Variants in CERS4 observed in about 807,000 individuals in gnomAD.
CERS4 encodes the protein ceramide synthase 4.
In CERS4, 65 loss-of-function variants were observed where a neutral mutation model predicts 51.8. The observed-to-expected ratio is 1.26, with a 90% CI of 1.03 to 1.54. The LOEUF (loss-of-function observed/expected upper bound fraction) is 1.54, where lower values mean the gene tolerates loss of function less well. Among genes scored for constraint, CERS4 ranks in the 40% most tolerant of loss-of-function variants. The probability of loss-of-function intolerance (pLI) is 0.00; values close to 1 mark genes in which losing one functional copy is unlikely to be tolerated. For synonymous variants in CERS4, 228 were observed against 208.4 expected (o/e 1.09, Z -0.81); for missense variants, 563 against 500.4 (o/e 1.13, Z -1.19).
intron 2 of CERS4, among the ~76,000 whole-genome samples, chr19:8,238,246 C>A (rs969565807): frequency 9.9e-5 from 15 of 152,110 alleles, no homozygotes; most frequent in African/African-American, 3.6e-4. Flanking sequence ...AATACTCCAA[C>A]CTCCAGGGAG....
In CERS4 at chr19:8,255,885, T is replaced by C. The variant is rs1969353028; in HGVS notation, c.468+6T>C. ...GCCTCTCGGTCCTGTACCACGTGAG[T>C]ATACCAGAGTATAGCTGACTGCTCA... On this transcript the variant is annotated splice_donor_region_variant and intron_variant, in intron 6 of 11. Coordinates refer to ENST00000251363, the MANE Select transcript of CERS4 (RefSeq NM_024552.3). 1 of 1,613,588 alleles carries C rather than the reference T, an allele frequency of 6.2e-7. No individual in the cohort carries two copies. The highest frequency in any genetic ancestry group is 8.5e-7 in the Non-Finnish European group (1 of 1,179,880).
In CERS4 at chr19:8,209,462, G is replaced by A. The variant is rs895140445; in HGVS notation, c.-191G>A. On this transcript the variant is annotated 5_prime_UTR_variant, in exon 1 of 12. Coordinates refer to ENST00000251363, the MANE Select transcript of CERS4 (RefSeq NM_024552.3). ...CGCGCCGTCCCCAGCCCCGCCGCCG[G>A]CCCTCGGTGCGCCCGGCCGCCTGCA... 2 of 151,426 alleles carry A rather than the reference G, an allele frequency of 1.3e-5. No homozygotes were observed. Among genetic ancestry groups the A allele is most frequent in the African/African-American group, 2.4e-5 (1 of 41,314 alleles). 9.4% of individuals were successfully genotyped at this position (151,426 alleles called of 1,614,324 possible).
chr19:8,244,122 A>G (rs1159596707), intron 2 of CERS4, among the ~76,000 whole-genome samples: 6 of 152,230 alleles, frequency 3.9e-5, no homozygotes, highest in Admixed American at 3.9e-4. Context: ...GAAAGACCCA[A>G]CTAGCCACTG....
chr19:8,237,845 C>T (rs951587828), intron 2 of CERS4, among the ~76,000 whole-genome samples: 5 of 152,026 alleles, frequency 3.3e-5, no homozygotes, highest in Non-Finnish European at 5.9e-5. Flanking sequence ...AGCGAGACTC[C>T]GTGTCAAAAC....
chr19:8,224,813 C>T (rs1035945016), intron 2 of CERS4, among the ~76,000 whole-genome samples: 7 of 152,052 alleles, frequency 4.6e-5, no homozygotes, highest in Admixed American at 3.9e-4. Flanking sequence ...AATCGTAGGG[C>T]TTAATGAGGA....
chr19:8,252,380 A>AT (rs397824156), intron 3 of CERS4, among the ~76,000 whole-genome samples: 2 of 149,798 alleles, frequency 1.3e-5, no homozygotes, highest in South Asian at 2.1e-4. Flanking sequence ...AAAAAAAAAA[A>AT]GAACAAAAGC....
intron 10 of CERS4, among the ~76,000 whole-genome samples, chr19:8,260,158 C>G (rs1969604188): frequency 6.6e-6 from 1 of 152,118 alleles, no homozygotes; most frequent in Non-Finnish European, 1.5e-5. Context: ...TCGCTGGTCA[C>G]CCTACAGCTG....
At chr19:8,256,577 C>A (rs956349556) in intron 7 of CERS4, 41 bp from the exon 8 acceptor site, 3 of 1,570,948 alleles carry the variant, frequency 1.9e-6, no homozygotes, top group Admixed American at 1.9e-5. Context: ...CCGATTGGAG[C>A]CTTCGCTCCC....
intron 2 of CERS4, among the ~76,000 whole-genome samples, chr19:8,221,870 ATGT>A (rs1284870625): frequency 0.019 from 615 of 31,770 alleles, 11 homozygotes; most frequent in African/African-American, 0.048. Flanking sequence ...TTATTTTTTT[ATGT>A]TTTTTTTTTT....
intron 2 of CERS4, among the ~76,000 whole-genome samples, chr19:8,224,394 G>T (rs1599524740): frequency 6.9e-6 from 1 of 145,000 alleles, no homozygotes; most frequent in Non-Finnish European, 1.5e-5. Context: ...GTGACAGAGC[G>T]AGACTCCATC....
chr19:8,254,476 G>C, intron 3 of CERS4, 23 bp from the exon 4 acceptor site: 1 of 1,610,104 alleles, frequency 6.2e-7, no homozygotes, highest in Non-Finnish European at 8.5e-7. Context: ...TGGGCTGATA[G>C]GCTCTGTCTC....
At position 8,210,435 on chromosome 19, in the gene CERS4, G is replaced by A. The variant is rs1967038252; in HGVS notation, c.-158-271G>A. Among the ~76,000 whole-genome samples the A allele has an allele frequency of 6.6e-6, 1 of 152,106 alleles. No individual in the cohort carries two copies. The highest frequency in any genetic ancestry group is 2.4e-5 in the African/African-American group (1 of 41,386). On this transcript the variant is annotated intron_variant, in intron 1 of 11. Transcript: ENST00000251363. This position sits in a 1 kb window ranked among gnomAD's most constrained non-coding sequence, Gnocchi z 4.2. ...TATATAGAAGAGGCTTTCATTGCTG[G>A]GTTGGGAGACTTGAGGAGAAGCTGC...
chr19:8,233,143 T>C lies in CERS4; in HGVS notation c.-1-17933T>C, dbSNP rs547802949. ...GCAATCCTCCAACTTCAGCCTGGGA[T>C]TACAGGCAAAAGCCACCACACTCGG... is the stretch of plus-strand genomic sequence containing the variant. On this transcript the variant is annotated intron_variant, in intron 2 of 11. Coordinates refer to ENST00000251363, the MANE Select transcript of CERS4 (RefSeq NM_024552.3). Among the ~76,000 whole-genome samples the C allele has an allele frequency of 2.6e-5, 4 of 151,854 alleles. No homozygotes were observed. The South Asian group carries it at 8.3e-4, about 32-fold the overall frequency.
At chr19:8,245,122 A>AAAAACAAAAAAAAAAAAAAAAAAAC (rs1555777239) in intron 2 of CERS4, among the ~76,000 whole-genome samples, 12 of 129,240 alleles carry the variant, frequency 9.3e-5, no homozygotes, top group Admixed American at 1.6e-4. Flanking sequence ...AAAAAAAAAA[A>AAAAACAAAAAAAAAAAAAAAAAAAC]AAAAAAAAAA....
chr19:8,258,960 C>G (rs1007261727), intron 10 of CERS4, among the ~76,000 whole-genome samples: 6 of 151,824 alleles, frequency 4.0e-5, no homozygotes, highest in African/African-American at 1.2e-4. Context: ...ACAGAGAAAC[C>G]CTGTCTCTAC....
At chr19:8,232,126 G>A (rs549270264) in intron 2 of CERS4, among the ~76,000 whole-genome samples, 24 of 151,406 alleles carry the variant, frequency 1.6e-4, no homozygotes, top group Non-Finnish European at 2.9e-4. Flanking sequence ...TACGACACCC[G>A]GCCCTATCCT....
At chr19:8,221,870 A>ATTTTTTTTTTT (rs1568501097) in intron 2 of CERS4, among the ~76,000 whole-genome samples, 7 of 31,764 alleles carry the variant, frequency 2.2e-4, no homozygotes, top group Non-Finnish European at 3.8e-4. Flanking sequence ...TTATTTTTTT[A>ATTTTTTTTTTT]TGTTTTTTTT....
intron 2 of CERS4, among the ~76,000 whole-genome samples, chr19:8,227,395 G>A (rs1486548417): frequency 6.6e-6 from 1 of 151,784 alleles, no homozygotes; most frequent in Non-Finnish European, 1.5e-5. Flanking sequence ...GCAGTGGTGC[G>A]ATCTCGGCTC....
At position 8,245,121 on chromosome 19, in the gene CERS4, A is replaced by ACAAAACAAACAAAAACAAAAAAAC. The variant is rs1471993375; in HGVS notation, c.-1-5955_-1-5954insCAAAACAAACAAAAACAAAAAAAC. Among the ~76,000 whole-genome samples the ACAAAACAAACAAAAACAAAAAAAC allele has an allele frequency of 8.8e-4, 129 of 146,198 alleles. 3 individuals are homozygous for ACAAAACAAACAAAAACAAAAAAAC. In the South Asian group the frequency reaches 0.01, roughly 11 times the overall value. On this transcript the variant is annotated intron_variant, in intron 2 of 11. Coordinates refer to ENST00000251363, the MANE Select transcript of CERS4 (RefSeq NM_024552.3). ...AGCGAGACTCCATCTCAAAAAAAAA[A>ACAAAACAAACAAAAACAAAAAAAC]AAAAAAAAAAAAAACACTCTTGGCT...
Sources: gnomAD v4.1 joint callset for allele counts (sites outside exome capture counted in the v4.1 genomes callset) on GRCh38, gnomAD v4.1.1 for gene constraint, Gnocchi (gnomAD v3.1) non-coding constraint, MANE v1.5 for transcripts, NCBI Gene and HGNC (gene_info 2026-07-23, HGNC 2026-07-21) for gene names.